SLC6A11: variants seen among roughly 807,000 people sequenced by gnomAD.
The protein encoded by SLC6A11 is solute carrier family 6 member 11, also known as sodium- and chloride-dependent GABA transporter 3.
Under a neutral mutation model 74.8 loss-of-function variants are expected in SLC6A11, and 25 were observed. The ratio of observed to expected loss-of-function variants is 0.33; its 90% CI spans 0.24 to 0.47. The LOEUF is 0.47. Among genes scored for constraint, SLC6A11 ranks in the 20% least tolerant of loss-of-function variants. SLC6A11 has a pLI of 1.00. For missense variants in SLC6A11, 574 were observed against 837.0 expected (o/e 0.69, Z 3.88); for synonymous variants, 330 against 330.2 (o/e 1.00, Z 0.01).
At chr3:10,857,966 A>G (rs895015897) in intron 5 of SLC6A11, among the ~76,000 whole-genome samples, 3 of 152,378 alleles carry the variant, frequency 2.0e-5, no homozygotes, top group African/African-American at 4.8e-5. Context: ...ACCAGCTTGT[A>G]AGAAATACAT....
intron 6 of SLC6A11, among the ~76,000 whole-genome samples, chr3:10,893,746 C>A (rs940713122): frequency 6.6e-6 from 1 of 152,118 alleles, no homozygotes; most frequent in African/African-American, 2.4e-5. Flanking sequence ...ACATGCCCAC[C>A]CCCTGGACTC....
intron 5 of SLC6A11, among the ~76,000 whole-genome samples, chr3:10,860,036 G>A (rs1389447224): frequency 6.6e-6 from 1 of 152,140 alleles, no homozygotes; most frequent in Non-Finnish European, 1.5e-5. Context: ...TTTACTTGGG[G>A]TTCTTGGATC....
intron 6 of SLC6A11, among the ~76,000 whole-genome samples, chr3:10,901,714 C>T (rs1307940585): frequency 3.3e-5 from 5 of 152,198 alleles, no homozygotes; most frequent in African/African-American, 1.2e-4. Flanking sequence ...CATTTGAATC[C>T]CTCTCCCAGA....
chr3:10,879,233 G>GTATGTGTGT (rs1694946641), intron 6 of SLC6A11, among the ~76,000 whole-genome samples: 1 of 152,210 alleles, frequency 6.6e-6, no homozygotes, highest in Admixed American at 6.5e-5. Context: ...TAGGAAGTGT[G>GTATGTGTGT]TATGTGTGTT....
intron 4 of SLC6A11, among the ~76,000 whole-genome samples, chr3:10,841,857 G>A (rs568613893): frequency 4.6e-5 from 7 of 152,196 alleles, no homozygotes; most frequent in African/African-American, 1.4e-4. Context: ...GTGCATACGC[G>A]TGCATACACC....
At chr3:10,857,985 G>A (rs1694658399) in intron 5 of SLC6A11, among the ~76,000 whole-genome samples, 1 of 152,224 alleles carries the variant, frequency 6.6e-6, no homozygotes, top group Admixed American at 6.5e-5. Flanking sequence ...ATATGGATGT[G>A]AGACAGGAGA....
chr3:10,836,943 T>C (rs550908788), intron 4 of SLC6A11, among the ~76,000 whole-genome samples: 55 of 152,366 alleles, frequency 3.6e-4, no homozygotes, highest in African/African-American at 1.3e-3. Flanking sequence ...TAGAGAATAG[T>C]TGGGACAGAG....
intron 3 of SLC6A11, among the ~76,000 whole-genome samples, chr3:10,820,270 A>G (rs1413393688): frequency 2.0e-5 from 3 of 152,214 alleles, no homozygotes; most frequent in Non-Finnish European, 4.4e-5. Context: ...CAGACAGAGG[A>G]CCTACAGGCC....
intron 6 of SLC6A11, among the ~76,000 whole-genome samples, chr3:10,885,567 A>G (rs1477707650): frequency 6.7e-6 from 1 of 149,954 alleles, no homozygotes; most frequent in Non-Finnish European, 1.5e-5. Context: ...ACTGCTAAAC[A>G]TCTTACAATG....
intron 1 of SLC6A11, among the ~76,000 whole-genome samples, chr3:10,818,111 G>GT (rs1694088364): frequency 6.8e-6 from 1 of 147,636 alleles, no homozygotes; most frequent in African/African-American, 2.5e-5. Flanking sequence ...AGTGAGTAAA[G>GT]TTTTTTAAAT....
intron 6 of SLC6A11, among the ~76,000 whole-genome samples, chr3:10,894,378 G>A (rs1695145370): frequency 6.6e-6 from 1 of 152,220 alleles, no homozygotes; most frequent in Non-Finnish European, 1.5e-5. Flanking sequence ...GTCAGTGAGT[G>A]TCAAGCAGTG....
At position 10,934,147 on chromosome 3, in the gene SLC6A11, T is replaced by C. The variant is rs75951495; in HGVS notation, c.1556T>C (p.Met519Thr). 3,128 of 1,613,182 alleles carry C rather than the reference T, an allele frequency of 1.9e-3. 55 individuals carry two copies. The African/African-American group carries it at 0.037, about 19-fold the overall frequency. ...PSLIKWCWMI[M>T]TPGICAGIFI... is the part of the protein sequence containing the mutation. ...CTCATTAAGTGGTGCTGGATGATCA[T>C]GACCCCTGGGATCTGCGCGGTAAGG... Residue 519 changes from methionine (M) to threonine (T), a missense_variant, in exon 12 of 14, where the codon ATG becomes ACG. Physicochemically the swap from Met to Thr is moderately conservative, Grantham distance 81 (BLOSUM62 -1). Around this residue, in one of 4 missense-constraint regions of SLC6A11, gnomAD observed 257 missense variants for 341.5 expected, o/e 0.75. Coordinates refer to ENST00000254488, the MANE Select transcript of SLC6A11 (RefSeq NM_014229.3).
chr3:10,846,776 G>A (rs1475602110), intron 5 of SLC6A11, among the ~76,000 whole-genome samples: 2 of 152,112 alleles, frequency 1.3e-5, no homozygotes, highest in African/African-American at 2.4e-5. Context: ...CTGGGGAGCC[G>A]CTGCCTCTAC....
intron 6 of SLC6A11, among the ~76,000 whole-genome samples, chr3:10,884,710 A>G (rs1223104436): frequency 6.6e-6 from 1 of 152,098 alleles, no homozygotes; most frequent in East Asian, 1.9e-4. Context: ...CTTTGCAAGA[A>G]TCCTAGAATC....
intron 6 of SLC6A11, among the ~76,000 whole-genome samples, chr3:10,880,118 C>T (rs1439508222): frequency 6.6e-6 from 1 of 152,182 alleles, no homozygotes; most frequent in African/African-American, 2.4e-5. Context: ...CTTCCATAGC[C>T]ACATGGTCAC....
intron 8 of SLC6A11, among the ~76,000 whole-genome samples, chr3:10,924,423 A>G (rs1695575929): frequency 6.6e-6 from 1 of 152,202 alleles, no homozygotes; most frequent in Admixed American, 6.5e-5. Context: ...CAAAAAAAGT[A>G]ATAAGTGAAC....
At chr3:10,827,610 C>T (rs369537758) in intron 4 of SLC6A11, among the ~76,000 whole-genome samples, 1 of 152,186 alleles carries the variant, frequency 6.6e-6, no homozygotes, top group East Asian at 1.9e-4. Context: ...AGTAGACTGC[C>T]TAGGCTGTCT....
At chr3:10,909,981 C>T (rs1284527257) in intron 6 of SLC6A11, among the ~76,000 whole-genome samples, 1 of 152,194 alleles carries the variant, frequency 6.6e-6, no homozygotes, top group Non-Finnish European at 1.5e-5. Flanking sequence ...CTCATACCCC[C>T]CACACATCGA....
At chr3:10,904,550 TTTG>T (rs1250017390) in intron 6 of SLC6A11, among the ~76,000 whole-genome samples, 2 of 152,178 alleles carry the variant, frequency 1.3e-5, no homozygotes, top group African/African-American at 4.8e-5. Flanking sequence ...TAGGGTTTGT[TTTG>T]TTGAGACTGT....
Sources: gnomAD v4.1 joint callset for allele counts (sites outside exome capture counted in the v4.1 genomes callset) on GRCh38, gnomAD v4.1.1 for gene constraint, gnomAD v4.1.1 regional missense constraint, MANE v1.5 for transcripts, NCBI Gene and HGNC (gene_info 2026-07-23, HGNC 2026-07-21) for gene names.